OXR1: variants seen among roughly 807,000 people sequenced by gnomAD.
OXR1 encodes the protein oxidation resistance 1.
OXR1 carries 41 observed loss-of-function variants against 104.6 expected under a neutral mutation model. That is an observed-to-expected ratio of 0.39 (90% CI 0.31 to 0.51). OXR1 has a LOEUF of 0.51. Ranked by LOEUF, OXR1 falls within the 20% of genes least tolerant of loss-of-function variation. The pLI, the probability that OXR1 is intolerant of heterozygous loss-of-function variation, is 0.77. For synonymous variants in OXR1, 348 were observed against 348.4 expected (o/e 1.00, Z 0.01); for missense variants, 955 against 1,031.9 (o/e 0.93, Z 1.02).
chr8:106,653,425 G>A (rs1265420848), intron 3 of OXR1, among the ~76,000 whole-genome samples: 1 of 151,804 alleles, frequency 6.6e-6, no homozygotes, highest in African/African-American at 2.4e-5. Flanking sequence ...GGTTATCTAA[G>A]GAAGGCAAGG....
intron 6 of OXR1, 24 bp downstream of exon 6, chr8:106,684,383 A>T: frequency 4.4e-6 from 5 of 1,138,044 alleles, no homozygotes; most frequent in Non-Finnish European, 6.7e-6. Flanking sequence ...CTTTGCAAAG[A>T]TGGCGATGAA....
chr8:106,411,656 A>AT (rs1818462756), intron 2 of OXR1, among the ~76,000 whole-genome samples: 2 of 152,284 alleles, frequency 1.3e-5, no homozygotes, highest in South Asian at 4.1e-4. Flanking sequence ...AACACCTATA[A>AT]TGTGATGATA....
intron 2 of OXR1, among the ~76,000 whole-genome samples, chr8:106,423,519 A>G (rs1268001238): frequency 6.6e-6 from 1 of 152,196 alleles, no homozygotes; most frequent in African/African-American, 2.4e-5. Context: ...TGACAGGTAA[A>G]TTAGCTAATC....
intron 2 of OXR1, among the ~76,000 whole-genome samples, chr8:106,477,962 G>T (rs1037956663): frequency 6.6e-6 from 1 of 151,882 alleles, no homozygotes; most frequent in South Asian, 2.1e-4. Flanking sequence ...TAATGTACAG[G>T]TGTATCTGTG....
intron 1 of OXR1, among the ~76,000 whole-genome samples, chr8:106,340,472 T>C (rs1815195729): frequency 6.6e-6 from 1 of 152,218 alleles, no homozygotes; most frequent in Non-Finnish European, 1.5e-5. Flanking sequence ...CTAAGTATAA[T>C]TTTCCTAGAT....
intron 7 of OXR1, among the ~76,000 whole-genome samples, chr8:106,697,131 G>A (rs929277244): frequency 1.3e-5 from 2 of 152,220 alleles, no homozygotes; most frequent in Non-Finnish European, 2.9e-5. Flanking sequence ...AGGAGAGACA[G>A]AACAGGCCAG....
At chr8:106,736,823 G>C (rs1255361392) in intron 11 of OXR1, among the ~76,000 whole-genome samples, 3 of 151,724 alleles carry the variant, frequency 2.0e-5, no homozygotes, top group Non-Finnish European at 2.9e-5. Context: ...AAATGATACA[G>C]TAAAAACCAT....
At chr8:106,713,748 A>G (rs887656700) in intron 10 of OXR1, 75 bp from the exon 11 acceptor site, 25 of 811,644 alleles carry the variant, frequency 3.1e-5, no homozygotes, top group Non-Finnish European at 4.4e-5. Context: ...ATTTATCAAG[A>G]TATTTTACAA....
intron 11 of OXR1, among the ~76,000 whole-genome samples, chr8:106,736,743 A>G (rs1834411574): frequency 6.6e-6 from 1 of 152,160 alleles, no homozygotes; most frequent in African/African-American, 2.4e-5. Context: ...GGTCTAGGCA[A>G]TTATAGAAGA....
chr8:106,547,138 C>T (rs1191882385), intron 3 of OXR1, among the ~76,000 whole-genome samples: 1 of 152,192 alleles, frequency 6.6e-6, no homozygotes, highest in Non-Finnish European at 1.5e-5. Context: ...ATCCACCCGC[C>T]TCAGCCTCCC....
At chr8:106,671,151 C>CAAAAAAAAAAA (rs35468140) in intron 3 of OXR1, among the ~76,000 whole-genome samples, 1 of 114,598 alleles carries the variant, frequency 8.7e-6, no homozygotes, top group East Asian at 2.3e-4. Context: ...ACACCAAAGG[C>CAAAAAAAAAAA]AAAAAAAAAA....
At chr8:106,546,084 A>T (rs897075617) in intron 3 of OXR1, among the ~76,000 whole-genome samples, 3 of 152,210 alleles carry the variant, frequency 2.0e-5, no homozygotes, top group African/African-American at 7.2e-5. Context: ...ATTTCAACAA[A>T]ATAAATGTTG....
chr8:106,644,084 G>A (rs1018093071), intron 3 of OXR1, among the ~76,000 whole-genome samples: 7 of 152,168 alleles, frequency 4.6e-5, no homozygotes, highest in Admixed American at 4.6e-4. Flanking sequence ...GAGAGAATAA[G>A]GCTGATAGGA....
intron 2 of OXR1, among the ~76,000 whole-genome samples, chr8:106,371,957 T>C (rs1472092353): frequency 6.6e-6 from 1 of 152,118 alleles, no homozygotes; most frequent in Non-Finnish European, 1.5e-5. Context: ...GAGCTTAGCT[T>C]GTTAGGCAGT....
At chr8:106,290,501 T>C (rs1325360021) in intron 1 of OXR1, among the ~76,000 whole-genome samples, 3 of 152,076 alleles carry the variant, frequency 2.0e-5, no homozygotes, top group Non-Finnish European at 4.4e-5. Flanking sequence ...ATCAATAAAG[T>C]AAACAGACAA....
At chr8:106,391,016 T>C (rs1298732297) in intron 2 of OXR1, among the ~76,000 whole-genome samples, 1 of 152,200 alleles carries the variant, frequency 6.6e-6, no homozygotes, top group Non-Finnish European at 1.5e-5. Flanking sequence ...CATTTGCTTA[T>C]GTTTGTCATT....
intron 3 of OXR1, among the ~76,000 whole-genome samples, chr8:106,675,128 G>A (rs910979819): frequency 6.6e-6 from 1 of 152,028 alleles, no homozygotes; most frequent in South Asian, 2.1e-4. Flanking sequence ...TATAATTTTC[G>A]ATTTGTATGA....
chr8:106,582,467 G>C (rs945923023), intron 3 of OXR1, among the ~76,000 whole-genome samples: 3 of 151,666 alleles, frequency 2.0e-5, no homozygotes, highest in Admixed American at 6.6e-5. Context: ...AAACAGAATT[G>C]TGCCTGCCAT....
At chr8:106,691,972 T>C (rs1829334469) in intron 6 of OXR1, among the ~76,000 whole-genome samples, 1 of 133,052 alleles carries the variant, frequency 7.5e-6, no homozygotes, top group Non-Finnish European at 1.6e-5. Context: ...TATGTGTGTG[T>C]GTGTCTATAT....
Sources: allele counts gnomAD v4.1 joint callset (sites outside exome capture counted in the v4.1 genomes callset), GRCh38; gene constraint gnomAD v4.1.1; transcripts MANE v1.5; gene names NCBI Gene and HGNC (gene_info 2026-07-23, HGNC 2026-07-21).